The following RAI1 variants were observed in gnomAD, a reference collection of about 807,000 sequenced individuals.
RAI1 encodes retinoic acid-induced protein 1.
In RAI1, 9 loss-of-function variants were observed where a neutral mutation model predicts 123.8. The ratio of observed to expected loss-of-function variants is 0.07; its 90% CI spans 0.04 to 0.13. RAI1 has a LOEUF of 0.13. RAI1 is among the 10% of genes least tolerant of loss of function. RAI1 has a pLI of 1.00. For synonymous variants in RAI1, 1,231 were observed against 1,127.3 expected (o/e 1.09, Z -1.84); for missense variants, 2,256 against 2,545.8 (o/e 0.89, Z 2.45).
At chr17:17,688,409 C>T (rs917555417) in intron 1 of RAI1, among the ~76,000 whole-genome samples, 8 of 151,742 alleles carry the variant, frequency 5.3e-5, no homozygotes, top group African/African-American at 1.5e-4. Flanking sequence ...ACTTGAACCC[C>T]GGGGGGTGGA....
intron 2 of RAI1, among the ~76,000 whole-genome samples, chr17:17,776,432 G>A (rs1057264306): frequency 5.9e-5 from 9 of 151,910 alleles, no homozygotes; most frequent in South Asian, 2.1e-4. Context: ...GTCCAGTGGC[G>A]CGATCTCAGC....
intron 1 of RAI1, among the ~76,000 whole-genome samples, chr17:17,699,136 C>T (rs1441527483): frequency 6.6e-6 from 1 of 152,252 alleles, no homozygotes; most frequent in Non-Finnish European, 1.5e-5. Context: ...CCCACCTTCT[C>T]TGGGCTCCTA....
chr17:17,798,337 G>A lies in RAI1; in HGVS notation c.5389G>A (p.Ala1797Thr). Residue 1797 changes from alanine to threonine, a missense_variant, in exon 3 of 6, where the codon GCC becomes ACC. Physicochemically the swap from Ala to Thr is moderately conservative, Grantham distance 58 (BLOSUM62 0). Around this residue, in one of 7 missense-constraint regions of RAI1, gnomAD observed 243 missense variants for 316.6 expected, o/e 0.77. Coordinates refer to ENST00000353383, the MANE Select transcript of RAI1 (RefSeq NM_030665.4). ...CCGGGAGGATGGGGGCGAGGAGGCA[G>A]CCCCAGCCGACAAGGGTCGCAAACA... ...DGREDGGEEA[A>T]PADKGRKHEC... is the part of the protein sequence containing the mutation. The A allele has an allele frequency of 6.2e-7, 1 of 1,601,404 alleles. No individual in the cohort carries two copies. Among genetic ancestry groups the A allele is most frequent in the Non-Finnish European group, 8.5e-7 (1 of 1,173,784 alleles).
intron 2 of RAI1, among the ~76,000 whole-genome samples, chr17:17,771,417 T>C (rs2031153896): frequency 6.6e-6 from 1 of 152,136 alleles, no homozygotes; most frequent in East Asian, 1.9e-4. Context: ...CTAAATGCAG[T>C]TCGTTTGGGA....
At chr17:17,719,440 C>A (rs545702102) in intron 1 of RAI1, among the ~76,000 whole-genome samples, 2 of 152,304 alleles carry the variant, frequency 1.3e-5, no homozygotes, top group Admixed American at 1.3e-4. Context: ...AGCTTTGCCC[C>A]CAGACAGCTG....
intron 2 of RAI1, chr17:17,778,974 A>C (rs961839617): frequency 4.5e-6 from 2 of 449,288 alleles, no homozygotes; most frequent in Admixed American, 4.8e-5. Flanking sequence ...AACCGCAGAA[A>C]GTATTCTGTT....
chr17:17,704,440 G>A (rs1463506728), intron 1 of RAI1, among the ~76,000 whole-genome samples: 2 of 152,142 alleles, frequency 1.3e-5, no homozygotes, highest in Non-Finnish European at 2.9e-5. Flanking sequence ...GGCCCTCCAT[G>A]TGGGGGGCTC....
chr17:17,786,043 CAG>C (rs1312107660), intron 2 of RAI1, among the ~76,000 whole-genome samples: 3 of 152,164 alleles, frequency 2.0e-5, no homozygotes, highest in African/African-American at 2.4e-5. Flanking sequence ...GGGAAAAGCT[CAG>C]AAGCTTTGGC....
chr17:17,727,514 C>G (rs1300939161), intron 2 of RAI1, among the ~76,000 whole-genome samples: 1 of 152,258 alleles, frequency 6.6e-6, no homozygotes, highest in Non-Finnish European at 1.5e-5. Flanking sequence ...GGGCCACCCC[C>G]GACTGGGTGT....
At chr17:17,745,688 C>T (rs2029888039) in intron 2 of RAI1, among the ~76,000 whole-genome samples, 1 of 152,242 alleles carries the variant, frequency 6.6e-6, no homozygotes, top group Admixed American at 6.5e-5. Flanking sequence ...TGACCAACCA[C>T]ACCCAGCCCT....
At chr17:17,706,765 C>T (rs62064078) in intron 1 of RAI1, among the ~76,000 whole-genome samples, 8,239 of 152,164 alleles carry the variant, frequency 0.054, 264 homozygotes, top group South Asian at 0.07. Flanking sequence ...CCCTGGGAGC[C>T]GGGAAGCACA....
chr17:17,750,973 G>A (rs1030532864), intron 2 of RAI1, among the ~76,000 whole-genome samples: 4 of 152,198 alleles, frequency 2.6e-5, no homozygotes, highest in Admixed American at 2.0e-4. Flanking sequence ...CATATTTGGA[G>A]GGCATCTGTT....
At chr17:17,782,766 T>G (rs920879073) in intron 2 of RAI1, among the ~76,000 whole-genome samples, 3 of 151,898 alleles carry the variant, frequency 2.0e-5, no homozygotes, top group Non-Finnish European at 4.4e-5. Context: ...GGCGCACCTC[T>G]CCGTCAGGTT....
At chr17:17,696,503 T>A (rs751199051) in intron 1 of RAI1, among the ~76,000 whole-genome samples, 3 of 152,224 alleles carry the variant, frequency 2.0e-5, no homozygotes, top group Non-Finnish European at 2.9e-5. Context: ...CCGCTTTTCT[T>A]ACTTAATGCT....
At chr17:17,772,442 A>G (rs2142995462) in intron 2 of RAI1, among the ~76,000 whole-genome samples, 1 of 150,998 alleles carries the variant, frequency 6.6e-6, no homozygotes, top group South Asian at 2.1e-4. Context: ...ACTCCCCAAC[A>G]CACATGTGTG....
Position 17,809,967 on chromosome 17 carries a change from C to T in RAI1, c.5710-3C>T. ...GTAACTGGCGGGCGGGCGTCTTTTG[C>T]AGAGGCTGCCGTAGTAATCCACCCC... On this transcript the variant is annotated splice_polypyrimidine_tract_variant and splice_region_variant and intron_variant, in intron 5 of 5. Coordinates refer to ENST00000353383, the MANE Select transcript of RAI1 (RefSeq NM_030665.4). The surrounding 1 kb of genome is among the most constrained non-coding windows in gnomAD (Gnocchi z 4.9). The T allele has an allele frequency of 6.4e-7, 1 of 1,554,374 alleles. No individual in the cohort carries two copies. Among genetic ancestry groups the T allele is most frequent in the African/African-American group, 1.4e-5 (1 of 73,362 alleles).
chr17:17,755,041 C>A (rs1196881056), intron 2 of RAI1, among the ~76,000 whole-genome samples: 2 of 152,174 alleles, frequency 1.3e-5, no homozygotes, highest in Non-Finnish European at 2.9e-5. Flanking sequence ...TAGCTGTACC[C>A]CCACAACATT....
chr17:17,807,426 C>T (rs2032616347), intron 4 of RAI1, among the ~76,000 whole-genome samples: 1 of 152,198 alleles, frequency 6.6e-6, no homozygotes, highest in Non-Finnish European at 1.5e-5. Context: ...CTGGCCTACT[C>T]ATCCTGCCCC....
chr17:17,728,342 C>T (rs549358222), intron 2 of RAI1, among the ~76,000 whole-genome samples: 98 of 152,220 alleles, frequency 6.4e-4, no homozygotes, highest in African/African-American at 2.1e-3. Context: ...CTTAAAAGAC[C>T]GTCTTCCCTC....
Sources: gnomAD v4.1 joint callset for allele counts (sites outside exome capture counted in the v4.1 genomes callset) on GRCh38, gnomAD v4.1.1 for gene constraint, gnomAD v4.1.1 regional missense constraint, Gnocchi (gnomAD v3.1) non-coding constraint, MANE v1.5 for transcripts, NCBI Gene and HGNC (gene_info 2026-07-23, HGNC 2026-07-21) for gene names.